The following AUTS2 variants were observed in gnomAD, a reference collection of about 807,000 sequenced individuals.
AUTS2 encodes activator of transcription and developmental regulator AUTS2.
Under a neutral mutation model 112.4 loss-of-function variants are expected in AUTS2, and 17 were observed. The ratio of observed to expected loss-of-function variants is 0.15; its 90% CI spans 0.10 to 0.23. The LOEUF (loss-of-function observed/expected upper bound fraction) is 0.23, where lower values mean the gene tolerates loss of function less well. Ranked by LOEUF, AUTS2 falls within the 10% of genes least tolerant of loss-of-function variation. The pLI, the probability that AUTS2 is intolerant of heterozygous loss-of-function variation, is 1.00. For missense variants in AUTS2, 1,510 were observed against 1,701.6 expected, an observed-to-expected ratio of 0.89 and a Z score of 1.98; for synonymous variants, 751 against 702.7, an observed-to-expected ratio of 1.07 and a Z score of -1.09.
At chr7:70,132,599 A>T (rs917336019) in intron 3 of AUTS2, among the ~76,000 whole-genome samples, 2 of 152,194 alleles carry the variant, frequency 1.3e-5, no homozygotes, top group African/African-American at 4.8e-5. Flanking sequence ...TCCCTCATTC[A>T]GTCAGACCTG....
At chr7:69,772,561 G>C (rs1047091565) in intron 1 of AUTS2, among the ~76,000 whole-genome samples, 1 of 152,158 alleles carries the variant, frequency 6.6e-6, no homozygotes, top group Non-Finnish European at 1.5e-5. Flanking sequence ...AGCCTCCTGA[G>C]TGACTTGGAC....
chr7:70,130,067 T>A (rs1190800406), intron 3 of AUTS2, among the ~76,000 whole-genome samples: 1 of 152,150 alleles, frequency 6.6e-6, no homozygotes, highest in African/African-American at 2.4e-5. Flanking sequence ...TTCATGTGAT[T>A]CCTGGCATGG....
chr7:69,942,522 A>G (rs934658877), intron 2 of AUTS2, among the ~76,000 whole-genome samples: 4 of 152,168 alleles, frequency 2.6e-5, no homozygotes, highest in Non-Finnish European at 4.4e-5. Context: ...CTTGCCCTGC[A>G]TCTATGGTGA....
At position 69,803,527 on chromosome 7, in the gene AUTS2, G is replaced by GAA. The variant is rs61457596; in HGVS notation, c.310-95749_310-95748dup. 7.7e-3 allele frequency among the ~76,000 whole-genome samples: 1,142 copies of GAA among 149,048 alleles called. 6 individuals are homozygous for GAA. The highest frequency in any genetic ancestry group is 0.017 in the Middle Eastern group (5 of 286). On this transcript the variant is annotated intron_variant, in intron 1 of 18. Transcript: ENST00000342771. ...TTGCATACAAATGTTACCATCTTTG[G>GAA]AAAAAAAAAAAGTCCTTGTAGTTGT...
intron 2 of AUTS2, among the ~76,000 whole-genome samples, chr7:69,965,376 G>A (rs181626327): frequency 6.6e-6 from 1 of 152,282 alleles, no homozygotes; most frequent in East Asian, 1.9e-4. Context: ...ATGGTGCCAA[G>A]CCACAGACTG....
chr7:70,152,396 A>G (rs1807490078), intron 4 of AUTS2, among the ~76,000 whole-genome samples: 1 of 152,116 alleles, frequency 6.6e-6, no homozygotes, highest in African/African-American at 2.4e-5. Flanking sequence ...TAGTAAAAAG[A>G]CATAAATGCA....
chr7:70,536,544 G>A (rs1800324848), intron 5 of AUTS2, among the ~76,000 whole-genome samples: 2 of 132,696 alleles, frequency 1.5e-5, no homozygotes, highest in Admixed American at 1.7e-4. Context: ...TGATGATCCC[G>A]CTTCTGCTGA....
chr7:69,915,413 A>G (rs578219478), intron 2 of AUTS2, among the ~76,000 whole-genome samples: 2 of 152,200 alleles, frequency 1.3e-5, no homozygotes, highest in Non-Finnish European at 2.9e-5. Context: ...CTCAGGTGCA[A>G]TTTACTGGGA....
rs181560296 is a variant in AUTS2 at position 70,360,617 on chromosome 7, G to A, written c.661-75135G>A. ...CTCACCTGACTCAAAGTTGGGCAGC[G>A]GGACTAATTTTACATAATCTTAAAT... On this transcript the variant is annotated intron_variant, in intron 4 of 18. Transcript: ENST00000342771. 3.9e-5 allele frequency among the ~76,000 whole-genome samples: 6 copies of A among 152,216 alleles called. No homozygotes were observed. The East Asian group carries it at 9.6e-4, about 24-fold the overall frequency.
intron 11 of AUTS2, among the ~76,000 whole-genome samples, chr7:70,773,202 G>T (rs1054561262): frequency 6.6e-6 from 1 of 152,072 alleles, no homozygotes; most frequent in Non-Finnish European, 1.5e-5. Context: ...CAAGCTTCGG[G>T]CCTAAACTTG....
intron 2 of AUTS2, among the ~76,000 whole-genome samples, chr7:69,983,623 G>C (rs1257990549): frequency 6.6e-6 from 1 of 152,120 alleles, no homozygotes; most frequent in African/African-American, 2.4e-5. Flanking sequence ...GTAGGATTAC[G>C]TGTTGCCTGT....
At chr7:69,755,640 A>C (rs970351046) in intron 1 of AUTS2, among the ~76,000 whole-genome samples, 20 of 152,284 alleles carry the variant, frequency 1.3e-4, no homozygotes, top group African/African-American at 4.3e-4. Flanking sequence ...TGCTAATTAC[A>C]GTATATTGTG....
In AUTS2 at chr7:69,817,122, GGTACAGGGACTCCACACC is replaced by G. The variant is rs535439122; in HGVS notation, c.310-82163_310-82146del. On this transcript the variant is annotated intron_variant, in intron 1 of 18. Coordinates refer to ENST00000342771, the MANE Select transcript of AUTS2 (RefSeq NM_015570.4). ...CTTCTTCATCATGGGCTCACTCAGT[GGTACAGGGACTCCACACC>G]AGTGACAGCACTGCTGTTGAGGATC... Among the ~76,000 whole-genome samples the G allele has an allele frequency of 1.4e-4, 22 of 152,286 alleles. No individual in the cohort carries two copies. The East Asian group carries it at 4.3e-3, about 29-fold the overall frequency.
intron 5 of AUTS2, among the ~76,000 whole-genome samples, chr7:70,496,860 C>T (rs1204482980): frequency 7.4e-6 from 1 of 135,570 alleles, no homozygotes. Flanking sequence ...CACACACACA[C>T]ACACCCCACA....
chr7:70,430,211 T>C (rs149996878), intron 4 of AUTS2, among the ~76,000 whole-genome samples: 5 of 152,132 alleles, frequency 3.3e-5, no homozygotes, highest in Non-Finnish European at 7.4e-5. Flanking sequence ...ACTTACGCAG[T>C]TGAGTGATTG....
chr7:70,437,364 C>T (rs1795936774), intron 5 of AUTS2: 1 of 152,454 alleles, frequency 6.6e-6, no homozygotes, highest in Non-Finnish European at 1.5e-5. Context: ...TCATTGGCCC[C>T]CAAACCCCCG....
chr7:69,799,947 A>C (rs1276232350), intron 1 of AUTS2, among the ~76,000 whole-genome samples: 1 of 152,114 alleles, frequency 6.6e-6, no homozygotes, highest in Admixed American at 6.5e-5. Flanking sequence ...ATTATTTTTC[A>C]TTCTTAAAAT....
At chr7:69,616,692 A>T (rs1793398449) in intron 1 of AUTS2, among the ~76,000 whole-genome samples, 1 of 152,194 alleles carries the variant, frequency 6.6e-6, no homozygotes, top group Non-Finnish European at 1.5e-5. Flanking sequence ...TTTGGAGTTT[A>T]ACAGAAATAA....
rs78776287 is a variant in AUTS2 at position 70,618,244 on chromosome 7, G to A, written c.691-80325G>A. 3.3e-3 allele frequency among the ~76,000 whole-genome samples: 503 copies of A among 152,274 alleles called. 10 individuals carry two copies. The East Asian group carries it at 0.049, about 15-fold the overall frequency. ...CCTGTAGAGAGGCCAAGTGGTTGCC[G>A]TGGGCTTTTGCTACCTCTTTGGGCA... On this transcript the variant is annotated intron_variant, in intron 5 of 18. Coordinates refer to ENST00000342771, the MANE Select transcript of AUTS2 (RefSeq NM_015570.4).
Sources: allele counts gnomAD v4.1 joint callset (sites outside exome capture counted in the v4.1 genomes callset), GRCh38; gene constraint gnomAD v4.1.1; transcripts MANE v1.5; gene names NCBI Gene and HGNC (gene_info 2026-07-23, HGNC 2026-07-21).